Variants in NIPAL3 observed in about 807,000 individuals in gnomAD.
NIPAL3 encodes NIPA like domain containing 3.
Under a neutral mutation model 47.2 loss-of-function variants are expected in NIPAL3, and 41 were observed. That is an observed-to-expected ratio of 0.87 (90% CI 0.68 to 1.13). The LOEUF (loss-of-function observed/expected upper bound fraction) is 1.13, where lower values mean the gene tolerates loss of function less well. Among genes scored for constraint, NIPAL3 ranks in the 50% most tolerant of loss-of-function variants. NIPAL3 has a pLI of 0.00. For synonymous variants in NIPAL3, 194 were observed against 209.6 expected (o/e 0.93, Z 0.64); for missense variants, 449 against 530.1 (o/e 0.85, Z 1.50).
At position 24,459,012 on chromosome 1, in the gene NIPAL3, CT is replaced by C. The variant is rs762564622; in HGVS notation, c.862+39del. The stretch of plus-strand genomic sequence containing the variant: ...CCCATTGCTAGATTTCTGTCTTCTA[CT>C]TTAGCAGCAGGGTATTATCCCAGGG... On this transcript the variant is annotated intron_variant, in intron 9 of 11. Coordinates refer to ENST00000374399, the MANE Select transcript of NIPAL3 (RefSeq NM_020448.5). The C allele has an allele frequency of 5.7e-6, 9 of 1,575,886 alleles. No individual in the cohort carries two copies. The South Asian group carries it at 8.9e-5, about 16-fold the overall frequency.
chr1:24,468,341 C>T (rs1229835412), intron 11 of NIPAL3, among the ~76,000 whole-genome samples: 1 of 149,872 alleles, frequency 6.7e-6, no homozygotes, highest in Non-Finnish European at 1.5e-5. Context: ...AATAAATAAA[C>T]AAACAAACTG....
intron 11 of NIPAL3, chr1:24,466,041 G>A (rs1646684710): frequency 1.2e-6 from 2 of 1,612,238 alleles, no homozygotes; most frequent in Admixed American, 1.7e-5. Context: ...TGTTCAAGAG[G>A]TATTCAAATT....
In NIPAL3 at chr1:24,419,380, G is replaced by T. The variant is rs1644207661; in HGVS notation, c.-168G>T. On this transcript the variant is annotated 5_prime_UTR_variant, in exon 2 of 12. It adds an upstream start codon to the 5' untranslated region. Coordinates refer to ENST00000374399, the MANE Select transcript of NIPAL3 (RefSeq NM_020448.5). ...CTTCTCTGAGTGAAGCTGAGGAGAAGGCTGTAAATCTGCCAAAACAGCCTT... is the reference window on the plus strand; with the variant it reads ...CTTCTCTGAGTGAAGCTGAGGAGAATGCTGTAAATCTGCCAAAACAGCCTT... 5 of 1,327,416 alleles carry T rather than the reference G, an allele frequency of 3.8e-6. No homozygotes were observed. Among genetic ancestry groups the T allele is most frequent in the Non-Finnish European group, 4.8e-6 (5 of 1,041,218 alleles). The allele number at this position is 1,327,416 out of a possible 1,614,324, so 82.2% of individuals were successfully genotyped here. A position where few individuals can be genotyped will look rare whatever the true frequency, so the allele number is the denominator to read the frequency against.
chr1:24,438,623 G>A (rs11580949), intron 2 of NIPAL3, among the ~76,000 whole-genome samples: 16,464 of 152,256 alleles, frequency 0.11, 910 homozygotes, highest in African/African-American at 0.13. Flanking sequence ...TGGCCACTGC[G>A]GGGCAGCTTG....
At chr1:24,423,687 G>A (rs1041624748) in intron 2 of NIPAL3, among the ~76,000 whole-genome samples, 7 of 152,154 alleles carry the variant, frequency 4.6e-5, no homozygotes, top group African/African-American at 4.8e-5. Context: ...GACACACCAA[G>A]GTCAGTTGGT....
chr1:24,429,115 A>C (rs1313735814), intron 2 of NIPAL3, among the ~76,000 whole-genome samples: 2 of 152,226 alleles, frequency 1.3e-5, no homozygotes, highest in African/African-American at 4.8e-5. Context: ...TGCATCAAAA[A>C]TGGTTGAATA....
At chr1:24,440,348 T>G in intron 3 of NIPAL3, 108 bp downstream of exon 3, 2 of 767,744 alleles carry the variant, frequency 2.6e-6, no homozygotes, top group Non-Finnish European at 3.9e-6. Flanking sequence ...GCCTACTGCA[T>G]CCCTGGGCTG....
Position 24,462,565 on chromosome 1 carries a change from G to A in NIPAL3, c.927-1461G>A, listed in dbSNP as rs142342435. Among the ~76,000 whole-genome samples, 1,141 of 152,162 alleles carry A rather than the reference G, an allele frequency of 7.5e-3. 18 individuals are homozygous for A. Among genetic ancestry groups the A allele is most frequent in the African/African-American group, 0.026 (1,066 of 41,506 alleles). The stretch of plus-strand genomic sequence containing the variant: ...GAGGATCACTTGAGGTCAGGAGTTC[G>A]AGACCAGCCTGACCACAGTGGCAAA... On this transcript the variant is annotated intron_variant, in intron 10 of 11. Transcript: ENST00000374399.
intron 4 of NIPAL3, among the ~76,000 whole-genome samples, chr1:24,444,079 A>G (rs908211974): frequency 6.6e-6 from 1 of 152,164 alleles, no homozygotes; most frequent in African/African-American, 2.4e-5. Flanking sequence ...GCCACTGGAA[A>G]TGAAGGGGCC....
At chr1:24,436,945 C>A (rs957104328) in intron 2 of NIPAL3, among the ~76,000 whole-genome samples, 1 of 151,938 alleles carries the variant, frequency 6.6e-6, no homozygotes, top group Non-Finnish European at 1.5e-5. Context: ...TTTTTGTATG[C>A]AAGGAGCATT....
chr1:24,416,883 A>G lies in NIPAL3; in HGVS notation c.-258+979A>G, dbSNP rs1020194184. 2 of 152,248 alleles carry G rather than the reference A, an allele frequency of 1.3e-5. No individual in the cohort carries two copies. The highest frequency in any genetic ancestry group is 4.8e-5 in the African/African-American group (2 of 41,456). 9.4% of individuals were successfully genotyped at this position (152,248 alleles called of 1,614,324 possible). On this transcript the variant is annotated intron_variant, in intron 1 of 11. Coordinates refer to ENST00000374399, the MANE Select transcript of NIPAL3 (RefSeq NM_020448.5). This position sits in a 1 kb window ranked among gnomAD's most constrained non-coding sequence, Gnocchi z 4.8. Reference sequence around the variant, plus strand: ...AGGGAAGCTGCTTTTTAAAAGAAAAATTAAACCACAGCAATGCCAACCACC... The same window carrying G: ...AGGGAAGCTGCTTTTTAAAAGAAAAGTTAAACCACAGCAATGCCAACCACC...
At chr1:24,426,941 C>T (rs149491256) in intron 2 of NIPAL3, among the ~76,000 whole-genome samples, 11 of 152,272 alleles carry the variant, frequency 7.2e-5, no homozygotes, top group South Asian at 2.1e-4. Flanking sequence ...CAGTTTGCAC[C>T]GTGTCTTTGC....
intron 11 of NIPAL3, 38 bp downstream of exon 11, chr1:24,464,158 T>C (rs773444823): frequency 6.6e-7 from 1 of 1,512,376 alleles, no homozygotes; most frequent in South Asian, 1.2e-5. Flanking sequence ...TGAACATCCA[T>C]ATAGAATGAC....
At chr1:24,420,584 T>G (rs573136246) in intron 2 of NIPAL3, among the ~76,000 whole-genome samples, 1 of 152,352 alleles carries the variant, frequency 6.6e-6, no homozygotes, top group South Asian at 2.1e-4. Context: ...CATTCGGATT[T>G]CAGTATATCT....
Position 24,416,415 on chromosome 1 carries a change from G to A in NIPAL3, c.-258+511G>A, listed in dbSNP as rs1644037298. On this transcript the variant is annotated intron_variant, in intron 1 of 11. Coordinates refer to ENST00000374399, the MANE Select transcript of NIPAL3 (RefSeq NM_020448.5). This position sits in a 1 kb window ranked among gnomAD's most constrained non-coding sequence, Gnocchi z 4.8. The stretch of plus-strand genomic sequence containing the variant: ...GCTCACCTCCAGAAGCCAGATCGTC[G>A]GGTGGTGGGAAAGAGCGTGTTTTAT... 1 of 836,346 alleles carries A rather than the reference G, an allele frequency of 1.2e-6. No homozygotes were observed. Among genetic ancestry groups the A allele is most frequent in the Non-Finnish European group, 1.4e-6 (1 of 693,766 alleles). 51.8% of individuals were successfully genotyped at this position (836,346 alleles called of 1,614,324 possible).
intron 1 of NIPAL3, among the ~76,000 whole-genome samples, chr1:24,418,925 T>G (rs1570158214): frequency 1.3e-5 from 2 of 152,044 alleles, no homozygotes; most frequent in East Asian, 1.9e-4. Flanking sequence ...GAATTGTTTT[T>G]TTTTTTTTTT....
At chr1:24,447,992 A>C (rs1381225249) in intron 5 of NIPAL3, among the ~76,000 whole-genome samples, 1 of 152,260 alleles carries the variant, frequency 6.6e-6, no homozygotes, top group African/African-American at 2.4e-5. Flanking sequence ...GCAGGTGTGG[A>C]GATGAGTAAG....
intron 2 of NIPAL3, among the ~76,000 whole-genome samples, chr1:24,424,098 T>C (rs532164390): frequency 3.5e-4 from 53 of 152,328 alleles, no homozygotes; most frequent in African/African-American, 1.3e-3. Context: ...TTGCCTAGTA[T>C]GGAATATCTT....
At chr1:24,425,391 T>G (rs1644532506) in intron 2 of NIPAL3, among the ~76,000 whole-genome samples, 1 of 152,204 alleles carries the variant, frequency 6.6e-6, no homozygotes, top group African/African-American at 2.4e-5. Flanking sequence ...CAATTCTTCT[T>G]CCAATGTGGC....
Sources: allele counts gnomAD v4.1 joint callset (sites outside exome capture counted in the v4.1 genomes callset), GRCh38; gene constraint gnomAD v4.1.1; non-coding constraint Gnocchi (gnomAD v3.1); transcripts MANE v1.5; gene names NCBI Gene and HGNC (gene_info 2026-07-23, HGNC 2026-07-21).